Variants in ESRRG observed in about 807,000 individuals in gnomAD.
ESRRG encodes the protein estrogen-related receptor gamma.
ESRRG carries 13 observed loss-of-function variants against 44.0 expected under a neutral mutation model. That is an observed-to-expected ratio of 0.30 (90% CI 0.19 to 0.47). ESRRG has a LOEUF of 0.47. Among genes scored for constraint, ESRRG ranks in the 20% least tolerant of loss-of-function variants. The probability of loss-of-function intolerance (pLI) is 1.00; values close to 1 mark genes in which losing one functional copy is unlikely to be tolerated. For synonymous variants in ESRRG, 215 were observed against 214.6 expected (o/e 1.00, Z -0.02); for missense variants, 395 against 580.6 (o/e 0.68, Z 3.29).
chr1:217,051,714 A>G (rs1406469142), intron 1 of ESRRG, among the ~76,000 whole-genome samples: 3 of 152,166 alleles, frequency 2.0e-5, no homozygotes, highest in African/African-American at 7.2e-5. Flanking sequence ...ATGAATGGCC[A>G]TATGCAAAAC....
intron 2 of ESRRG, among the ~76,000 whole-genome samples, chr1:216,914,868 C>A (rs1453415600): frequency 6.6e-6 from 1 of 152,170 alleles, no homozygotes; most frequent in Non-Finnish European, 1.5e-5. Flanking sequence ...AGGAAACATA[C>A]CCTTTACCTC....
At chr1:216,996,045 T>A (rs769700200) in intron 1 of ESRRG, among the ~76,000 whole-genome samples, 2 of 151,960 alleles carry the variant, frequency 1.3e-5, no homozygotes, top group African/African-American at 4.8e-5. Context: ...AAAAAAAAAA[T>A]TAAGGGCAGT....
At chr1:217,063,886 G>A (rs2089103634) in intron 1 of ESRRG, among the ~76,000 whole-genome samples, 1 of 152,090 alleles carries the variant, frequency 6.6e-6, no homozygotes, top group Admixed American at 6.6e-5. Flanking sequence ...TTCTTGGAAA[G>A]GTAAGGACTG....
At chr1:217,119,066 T>C (rs962712014) in intron 1 of ESRRG, among the ~76,000 whole-genome samples, 8 of 152,104 alleles carry the variant, frequency 5.3e-5, no homozygotes, top group Admixed American at 5.2e-4. Context: ...CAGATACAGA[T>C]ACAGATAGAT....
chr1:216,515,845 AG>A (rs2044104627), intron 6 of ESRRG, among the ~76,000 whole-genome samples: 1 of 152,112 alleles, frequency 6.6e-6, no homozygotes, highest in Non-Finnish European at 1.5e-5. Flanking sequence ...TTAATCTTAT[AG>A]TATATAATTT....
intron 2 of ESRRG, among the ~76,000 whole-genome samples, chr1:216,802,133 C>G (rs2813665): frequency 0.83 from 125,889 of 152,034 alleles, 52,209 homozygotes; most frequent in Middle Eastern, 0.86. Context: ...GTAGTGACTG[C>G]AGAAGCATCA....
intron 1 of ESRRG, among the ~76,000 whole-genome samples, chr1:216,995,709 T>C (rs2076290514): frequency 6.6e-6 from 1 of 152,228 alleles, no homozygotes; most frequent in Non-Finnish European, 1.5e-5. Flanking sequence ...AGAATCTGAA[T>C]CTTATTCACT....
chr1:217,033,458 C>T (rs902308852), intron 1 of ESRRG, among the ~76,000 whole-genome samples: 2 of 152,120 alleles, frequency 1.3e-5, no homozygotes, highest in Non-Finnish European at 2.9e-5. Flanking sequence ...GTCAAAGTCA[C>T]GCTTTGGAGA....
chr1:216,801,422 AC>A (rs1484986257), intron 2 of ESRRG, among the ~76,000 whole-genome samples: 1 of 151,502 alleles, frequency 6.6e-6, no homozygotes, highest in Non-Finnish European at 1.5e-5. Flanking sequence ...ATTTCCGACA[AC>A]CCCCTGCCCC....
intron 6 of ESRRG, among the ~76,000 whole-genome samples, chr1:216,515,817 C>T (rs1051372428): frequency 1.3e-5 from 2 of 152,004 alleles, no homozygotes; most frequent in Non-Finnish European, 2.9e-5. Flanking sequence ...TAAAGTGATT[C>T]ATTAGCTTAA....
intron 2 of ESRRG, among the ~76,000 whole-genome samples, chr1:216,832,924 G>A (rs1293830139): frequency 6.6e-6 from 1 of 151,202 alleles, no homozygotes. Context: ...GCAGTGAGCC[G>A]AGATTGCGCC....
At chr1:217,039,765 A>C (rs557782380) in intron 1 of ESRRG, among the ~76,000 whole-genome samples, 11 of 152,308 alleles carry the variant, frequency 7.2e-5, no homozygotes, top group Admixed American at 4.6e-4. Flanking sequence ...ATTTGTTTTT[A>C]CAACCTTTTG....
At chr1:216,861,986 C>T (rs2096061847) in intron 2 of ESRRG, among the ~76,000 whole-genome samples, 1 of 152,124 alleles carries the variant, frequency 6.6e-6, no homozygotes, top group African/African-American at 2.4e-5. Flanking sequence ...ATTAAAACTA[C>T]AAGATACTAC....
At chr1:216,906,344 G>GA (rs200799004) in intron 2 of ESRRG, among the ~76,000 whole-genome samples, 1,603 of 152,130 alleles carry the variant, frequency 0.011, 35 homozygotes, top group African/African-American at 0.037. Context: ...ATATGCTCCT[G>GA]AAAAAAATCT....
In ESRRG at chr1:217,061,411, A is replaced by C. The variant is rs150755843; in HGVS notation, c.-106+28096T>G. 1.1e-3 allele frequency among the ~76,000 whole-genome samples: 168 copies of C among 152,260 alleles called. 1 individual carries two copies. Among genetic ancestry groups the C allele is most frequent in the African/African-American group, 3.8e-3 (157 of 41,560 alleles). On this transcript the variant is annotated intron_variant, in intron 1 of 7. Transcript: ENST00000359162. ...AATTTAACAGGCATGAGTAATGCAA[A>C]CCTCACAGGAGCCATCTTGCCTAGG...
At chr1:217,040,353 C>A (rs565635677) in intron 1 of ESRRG, among the ~76,000 whole-genome samples, 9 of 152,198 alleles carry the variant, frequency 5.9e-5, no homozygotes, top group African/African-American at 2.2e-4. Flanking sequence ...TGTCTACAGT[C>A]CAATGAAGAA....
At chr1:216,567,622 A>C (rs914715660) in intron 4 of ESRRG, among the ~76,000 whole-genome samples, 3 of 152,202 alleles carry the variant, frequency 2.0e-5, no homozygotes, top group African/African-American at 7.2e-5. Flanking sequence ...TCTGAAACTA[A>C]GAGCTCCAAT....
chr1:216,657,958 C>T (rs888432135), intron 2 of ESRRG, among the ~76,000 whole-genome samples: 2 of 152,132 alleles, frequency 1.3e-5, no homozygotes, highest in Admixed American at 6.5e-5. Context: ...GTGCAAATTG[C>T]TGCATTTTCA....
intron 2 of ESRRG, among the ~76,000 whole-genome samples, chr1:216,877,375 T>C (rs1232547758): frequency 2.3e-5 from 2 of 85,208 alleles, no homozygotes; most frequent in African/African-American, 1.9e-4. Context: ...TTTATAGGTA[T>C]GGTGTTTTTT....
Sources: gnomAD v4.1 joint callset for allele counts (sites outside exome capture counted in the v4.1 genomes callset) on GRCh38, gnomAD v4.1.1 for gene constraint, MANE v1.5 for transcripts, NCBI Gene and HGNC (gene_info 2026-07-23, HGNC 2026-07-21) for gene names.